NEK7: variants seen among roughly 807,000 people sequenced by gnomAD.
NEK7 encodes serine/threonine-protein kinase Nek7.
Under a neutral mutation model 44.6 loss-of-function variants are expected in NEK7, and 18 were observed. The ratio of observed to expected loss-of-function variants is 0.40; its 90% CI spans 0.28 to 0.60. NEK7 has a LOEUF of 0.60. Among genes scored for constraint, NEK7 ranks in the 20% least tolerant of loss-of-function variants. The pLI, the probability that NEK7 is intolerant of heterozygous loss-of-function variation, is 0.38. For synonymous variants in NEK7, 130 were observed against 121.1 expected, an observed-to-expected ratio of 1.07 and a Z score of -0.48; for missense variants, 256 against 366.5, an observed-to-expected ratio of 0.70 and a Z score of 2.46.
At chr1:198,157,946 G>C (rs185979608) in intron 1 of NEK7, among the ~76,000 whole-genome samples, 64 of 152,296 alleles carry the variant, frequency 4.2e-4, no homozygotes, top group African/African-American at 1.5e-3. Context: ...AGTCAGAGAA[G>C]GGTAGCCAAA....
intron 1 of NEK7, among the ~76,000 whole-genome samples, chr1:198,182,516 G>A (rs1341726197): frequency 6.6e-6 from 1 of 152,096 alleles, no homozygotes; most frequent in Non-Finnish European, 1.5e-5. Context: ...TGGTTTTCTG[G>A]TTTGTATTCT....
intron 2 of NEK7, among the ~76,000 whole-genome samples, chr1:198,237,736 C>A (rs543066110): frequency 6.6e-6 from 1 of 152,154 alleles, no homozygotes; most frequent in South Asian, 2.1e-4. Flanking sequence ...ATATTTCAGT[C>A]AGTCACGTCT....
chr1:198,197,927 A>G, intron 1 of NEK7: 1 of 1,440,400 alleles, frequency 6.9e-7, no homozygotes. Context: ...CAAGGGATTC[A>G]CAGGAGGCAT....
At chr1:198,285,315 A>G (rs1654333905) in intron 7 of NEK7, among the ~76,000 whole-genome samples, 1 of 152,192 alleles carries the variant, frequency 6.6e-6, no homozygotes, top group South Asian at 2.1e-4. Flanking sequence ...GACAGACTAC[A>G]TACATAAAGG....
intron 1 of NEK7, among the ~76,000 whole-genome samples, chr1:198,203,759 G>GC (rs1337721926): frequency 6.6e-6 from 1 of 152,188 alleles, no homozygotes; most frequent in African/African-American, 2.4e-5. Context: ...TAAAGCAGGG[G>GC]CTGCTAATAA....
intron 7 of NEK7, among the ~76,000 whole-genome samples, chr1:198,287,017 A>G (rs779206243): frequency 6.6e-6 from 1 of 152,272 alleles, no homozygotes; most frequent in Non-Finnish European, 1.5e-5. Flanking sequence ...TCTTGCCACT[A>G]CCGTAACATA....
At chr1:198,259,241 G>T (rs1416403113) in intron 3 of NEK7, among the ~76,000 whole-genome samples, 2 of 151,880 alleles carry the variant, frequency 1.3e-5, no homozygotes, top group African/African-American at 2.4e-5. Flanking sequence ...ATCTTGTTAT[G>T]GTTTCCTAAA....
intron 3 of NEK7, among the ~76,000 whole-genome samples, chr1:198,255,692 A>C (rs1927250): frequency 0.34 from 51,172 of 151,962 alleles, 9,859 homozygotes; most frequent in East Asian, 0.8. Flanking sequence ...TAGGAAGTTA[A>C]AGTTTATTCT....
intron 9 of NEK7, among the ~76,000 whole-genome samples, chr1:198,317,877 A>T (rs201077542): frequency 0.012 from 840 of 70,216 alleles, 13 homozygotes; most frequent in Non-Finnish European, 0.017. Flanking sequence ...GGATATATTT[A>T]TTTTTTTTTT....
At chr1:198,210,536 T>A (rs887368999) in intron 1 of NEK7, among the ~76,000 whole-genome samples, 2 of 152,084 alleles carry the variant, frequency 1.3e-5, no homozygotes, top group African/African-American at 2.4e-5. Flanking sequence ...TTATATGTAA[T>A]CCCAAATTTA....
intron 5 of NEK7, among the ~76,000 whole-genome samples, chr1:198,274,808 G>A (rs1445178023): frequency 6.6e-6 from 1 of 151,692 alleles, no homozygotes; most frequent in Non-Finnish European, 1.5e-5. Context: ...AATTTGTAGT[G>A]GGATGTTTGG....
chr1:198,293,435 CTT>C (rs1654619335), intron 8 of NEK7, among the ~76,000 whole-genome samples: 1 of 151,806 alleles, frequency 6.6e-6, no homozygotes, highest in African/African-American at 2.4e-5. Flanking sequence ...TTTTATTTCA[CTT>C]TTACACAGGT....
chr1:198,188,101 T>C (rs1664972495), intron 1 of NEK7, among the ~76,000 whole-genome samples: 1 of 152,224 alleles, frequency 6.6e-6, no homozygotes, highest in Admixed American at 6.5e-5. Context: ...GGAATCCTTG[T>C]TTTAATAGTC....
intron 1 of NEK7, among the ~76,000 whole-genome samples, chr1:198,198,635 A>C (rs1397783480): frequency 6.6e-6 from 1 of 152,100 alleles, no homozygotes; most frequent in South Asian, 2.1e-4. Context: ...GTTTTTTGGC[A>C]ATTTGTTGCC....
At chr1:198,252,489 C>A (rs369823033) in intron 2 of NEK7, among the ~76,000 whole-genome samples, 26 of 132,802 alleles carry the variant, frequency 2.0e-4, no homozygotes, top group East Asian at 1.1e-3. Flanking sequence ...ATCCTTCTTC[C>A]TTAATTAACT....
intron 9 of NEK7, among the ~76,000 whole-genome samples, chr1:198,303,174 TA>T (rs1363668751): frequency 1.3e-5 from 2 of 152,150 alleles, no homozygotes; most frequent in African/African-American, 4.8e-5. Flanking sequence ...ATTATTTCCA[TA>T]CATTTGAGTA....
chr1:198,183,584 A>G (rs982676438), intron 1 of NEK7, among the ~76,000 whole-genome samples: 22 of 152,184 alleles, frequency 1.4e-4, no homozygotes, highest in Non-Finnish European at 2.2e-4. Context: ...TTAGTTAATA[A>G]TGTCCTAAAC....
chr1:198,308,366 C>T (rs1042333016), intron 9 of NEK7, among the ~76,000 whole-genome samples: 2 of 152,048 alleles, frequency 1.3e-5, no homozygotes, highest in Non-Finnish European at 2.9e-5. Flanking sequence ...AAAATTCAGG[C>T]GTTCATATTT....
At chr1:198,304,871 T>C (rs1013232095) in intron 9 of NEK7, among the ~76,000 whole-genome samples, 9 of 152,184 alleles carry the variant, frequency 5.9e-5, no homozygotes, top group Non-Finnish European at 1.0e-4. Flanking sequence ...ATTTTTACTT[T>C]ATATACTTTG....
Sources: allele counts gnomAD v4.1 joint callset (sites outside exome capture counted in the v4.1 genomes callset), GRCh38; gene constraint gnomAD v4.1.1; transcripts MANE v1.5; gene names NCBI Gene and HGNC (gene_info 2026-07-23, HGNC 2026-07-21).